Variants in LHFPL3 observed in about 807,000 individuals in gnomAD.
LHFPL3 encodes LHFPL tetraspan subfamily member 3.
Under a neutral mutation model 19.3 loss-of-function variants are expected in LHFPL3, and 5 were observed. That is an observed-to-expected ratio of 0.26 (90% CI 0.14 to 0.54). The LOEUF (loss-of-function observed/expected upper bound fraction) is 0.54, where lower values mean the gene tolerates loss of function less well. Ranked by LOEUF, LHFPL3 falls within the 20% of genes least tolerant of loss-of-function variation. LHFPL3 has a pLI of 0.94. For missense variants in LHFPL3, 249 were observed against 307.4 expected (o/e 0.81, Z 1.42); for synonymous variants, 133 against 126.2 (o/e 1.05, Z -0.36).
At chr7:104,833,362 GGATATATATATATTATATA>G (rs1443045568) in intron 2 of LHFPL3, among the ~76,000 whole-genome samples, 11 of 1,644 alleles carry the variant, frequency 6.7e-3, no homozygotes, top group African/African-American at 0.022. Context: ...ATATATAATA[GGATATATATATATTATATA>G]TATAATAGGA....
At chr7:104,869,749 C>G (rs1194614184) in intron 2 of LHFPL3, among the ~76,000 whole-genome samples, 1 of 152,108 alleles carries the variant, frequency 6.6e-6, no homozygotes, top group East Asian at 1.9e-4. Flanking sequence ...GGGTACATAC[C>G]CAGAGGATTA....
At chr7:104,825,228 C>G (rs933821325) in intron 2 of LHFPL3, among the ~76,000 whole-genome samples, 1 of 151,804 alleles carries the variant, frequency 6.6e-6, no homozygotes, top group Non-Finnish European at 1.5e-5. Context: ...CACTTCTCCA[C>G]TCAAGATGGC....
At chr7:104,862,421 G>C (rs932253439) in intron 2 of LHFPL3, among the ~76,000 whole-genome samples, 1 of 152,178 alleles carries the variant, frequency 6.6e-6, no homozygotes, top group Non-Finnish European at 1.5e-5. Context: ...TGCCTTCTGG[G>C]TAGGCAGTGT....
chr7:104,450,537 C>T (rs1305195141), intron 1 of LHFPL3, among the ~76,000 whole-genome samples: 2 of 151,768 alleles, frequency 1.3e-5, no homozygotes, highest in African/African-American at 4.8e-5. Flanking sequence ...AACATATGGA[C>T]ACAGGGAGGG....
At chr7:104,686,171 CT>C (rs954285113) in intron 1 of LHFPL3, among the ~76,000 whole-genome samples, 4 of 152,164 alleles carry the variant, frequency 2.6e-5, no homozygotes, top group Non-Finnish European at 5.9e-5. Context: ...TGTTACCTAC[CT>C]CAGAAGCGTG....
intron 2 of LHFPL3, among the ~76,000 whole-genome samples, chr7:104,896,259 C>A (rs1792356073): frequency 6.6e-6 from 1 of 152,208 alleles, no homozygotes; most frequent in Non-Finnish European, 1.5e-5. Context: ...TGTTGAGCAG[C>A]AACTATGTGC....
intron 1 of LHFPL3, among the ~76,000 whole-genome samples, chr7:104,460,064 T>C (rs950362704): frequency 2.6e-5 from 4 of 152,100 alleles, no homozygotes; most frequent in African/African-American, 7.2e-5. Context: ...TTGTGCCCAT[T>C]GGGTCTCATC....
At chr7:104,594,159 T>C (rs1790790218) in intron 1 of LHFPL3, among the ~76,000 whole-genome samples, 1 of 152,238 alleles carries the variant, frequency 6.6e-6, no homozygotes, top group Admixed American at 6.5e-5. Context: ...GGCCTGTTCT[T>C]GCAGTGGCTG....
chr7:104,565,720 T>C (rs1790107247), intron 1 of LHFPL3, among the ~76,000 whole-genome samples: 1 of 112,676 alleles, frequency 8.9e-6, no homozygotes, highest in African/African-American at 3.8e-5. Flanking sequence ...CCTGTCTGTC[T>C]GTCTATCTAT....
chr7:104,746,036 C>T (rs951055490), intron 2 of LHFPL3, among the ~76,000 whole-genome samples: 3 of 152,158 alleles, frequency 2.0e-5, no homozygotes, highest in African/African-American at 7.2e-5. Flanking sequence ...CCAGGCCGGA[C>T]ATGGTGGCTT....
At chr7:104,661,343 G>A (rs1792220490) in intron 1 of LHFPL3, among the ~76,000 whole-genome samples, 1 of 152,136 alleles carries the variant, frequency 6.6e-6, no homozygotes, top group African/African-American at 2.4e-5. Flanking sequence ...CCCACAAATA[G>A]TTAAAACATC....
intron 1 of LHFPL3, among the ~76,000 whole-genome samples, chr7:104,423,397 G>A (rs958556804): frequency 1.1e-4 from 16 of 152,104 alleles, no homozygotes; most frequent in African/African-American, 3.6e-4. Flanking sequence ...AGGATTGCTT[G>A]AGTCCAGGAG....
chr7:104,583,716 A>G (rs1453291410), intron 1 of LHFPL3, among the ~76,000 whole-genome samples: 2 of 152,184 alleles, frequency 1.3e-5, no homozygotes, highest in Non-Finnish European at 2.9e-5. Context: ...AATGCTCATC[A>G]TCACTGGCCA....
intron 1 of LHFPL3, among the ~76,000 whole-genome samples, chr7:104,368,182 C>A (rs1790531060): frequency 6.6e-6 from 1 of 152,218 alleles, no homozygotes; most frequent in Non-Finnish European, 1.5e-5. Context: ...GGAGCCCTTG[C>A]CAGGCAGCTT....
At chr7:104,394,873 G>A (rs754704087) in intron 1 of LHFPL3, among the ~76,000 whole-genome samples, 13 of 151,902 alleles carry the variant, frequency 8.6e-5, no homozygotes, top group Non-Finnish European at 1.6e-4. Flanking sequence ...GATAATTTTT[G>A]TATTTTTAGT....
At chr7:104,638,142 T>G (rs1417160657) in intron 1 of LHFPL3, among the ~76,000 whole-genome samples, 1 of 152,158 alleles carries the variant, frequency 6.6e-6, no homozygotes, top group Admixed American at 6.5e-5. Flanking sequence ...TTTTATATTT[T>G]TTGTGGCAAT....
intron 2 of LHFPL3, among the ~76,000 whole-genome samples, chr7:104,887,039 G>T (rs527302358): frequency 1.3e-5 from 2 of 152,298 alleles, no homozygotes; most frequent in East Asian, 3.9e-4. Flanking sequence ...TGTTTCCCAC[G>T]TCTGAAAGGA....
chr7:104,723,701 G>A (rs1051195340), intron 1 of LHFPL3, among the ~76,000 whole-genome samples: 3 of 118,454 alleles, frequency 2.5e-5, no homozygotes, highest in Admixed American at 2.3e-4. Flanking sequence ...CAGCCTGGGC[G>A]ACAGAGCAAG....
At chr7:104,371,261 T>C (rs914289327) in intron 1 of LHFPL3, among the ~76,000 whole-genome samples, 2 of 152,230 alleles carry the variant, frequency 1.3e-5, no homozygotes, top group African/African-American at 4.8e-5. Flanking sequence ...AAAAAATTAA[T>C]CTTGTCTCCC....
Sources: gnomAD v4.1 joint callset for allele counts (sites outside exome capture counted in the v4.1 genomes callset) on GRCh38, gnomAD v4.1.1 for gene constraint, MANE v1.5 for transcripts, NCBI Gene and HGNC (gene_info 2026-07-23, HGNC 2026-07-21) for gene names.